Variants in NPLOC4 observed in about 807,000 individuals in gnomAD.
NPLOC4 encodes the protein NPL4 homolog, ubiquitin recognition factor.
A neutral mutation model predicts 80.6 loss-of-function variants in NPLOC4; 18 were observed. The observed-to-expected ratio is 0.22, with a 90% CI of 0.15 to 0.33. NPLOC4 has a LOEUF of 0.33. NPLOC4 is among the 10% of genes least tolerant of loss of function. The probability of loss-of-function intolerance (pLI) is 1.00; values close to 1 mark genes in which losing one functional copy is unlikely to be tolerated. For synonymous variants in NPLOC4, 313 were observed against 301.5 expected, an observed-to-expected ratio of 1.04 and a Z score of -0.39; for missense variants, 540 against 786.1, an observed-to-expected ratio of 0.69 and a Z score of 3.74.
intron 10 of NPLOC4, among the ~76,000 whole-genome samples, chr17:81,596,903 G>A (rs917370223): frequency 6.6e-6 from 1 of 152,086 alleles, no homozygotes; most frequent in Non-Finnish European, 1.5e-5. Flanking sequence ...TCACAAGGTC[G>A]AGATCAAGAC....
intron 6 of NPLOC4, among the ~76,000 whole-genome samples, 164 bp downstream of exon 6, chr17:81,608,564 C>T (rs921550382): frequency 6.6e-6 from 1 of 152,142 alleles, no homozygotes; most frequent in Non-Finnish European, 1.5e-5. Context: ...TATATGAGTA[C>T]ATAAAAAATA....
chr17:81,560,006 A>T (rs2033800005), intron 16 of NPLOC4, among the ~76,000 whole-genome samples: 2 of 150,110 alleles, frequency 1.3e-5, no homozygotes, highest in South Asian at 4.3e-4. Context: ...AAGTGCTGGG[A>T]TTATAGGTAT....
intron 12 of NPLOC4, among the ~76,000 whole-genome samples, chr17:81,586,916 C>G (rs576522504): frequency 6.6e-6 from 1 of 152,160 alleles, no homozygotes; most frequent in East Asian, 1.9e-4. Flanking sequence ...GGACAGCTCA[C>G]CACCACCACA....
At chr17:81,564,986 G>GA (rs1277687283) in intron 16 of NPLOC4, 1 of 343,710 alleles carries the variant, frequency 2.9e-6, no homozygotes, top group African/African-American at 2.2e-5. Flanking sequence ...AATGCTGACA[G>GA]AAGGTTCTCA....
intron 3 of NPLOC4, among the ~76,000 whole-genome samples, chr17:81,617,803 C>T (rs1281893741): frequency 2.6e-5 from 4 of 152,276 alleles, no homozygotes; most frequent in South Asian, 4.1e-4. Flanking sequence ...CGATTGCAGG[C>T]GCGCGCCGCC....
chr17:81,625,728 C>G (rs2035778547), intron 2 of NPLOC4, among the ~76,000 whole-genome samples: 1 of 151,306 alleles, frequency 6.6e-6, no homozygotes, highest in Admixed American at 6.6e-5. Context: ...GAGAATCCAA[C>G]CAACTCTAAA....
intron 12 of NPLOC4, among the ~76,000 whole-genome samples, chr17:81,576,301 G>A (rs1195320698): frequency 6.6e-6 from 1 of 152,218 alleles, no homozygotes; most frequent in Non-Finnish European, 1.5e-5. Flanking sequence ...AAGAATTACA[G>A]TTGGCCGTTG....
chr17:81,597,712 G>A (rs901625244), intron 9 of NPLOC4, among the ~76,000 whole-genome samples: 2 of 151,318 alleles, frequency 1.3e-5, no homozygotes, highest in African/African-American at 4.9e-5. Flanking sequence ...GAACCCGGGA[G>A]GCAGAGGTTG....
chr17:81,599,861 T>C (rs2070988744), intron 9 of NPLOC4, among the ~76,000 whole-genome samples: 2 of 152,204 alleles, frequency 1.3e-5, no homozygotes, highest in African/African-American at 2.4e-5. Flanking sequence ...TAAATGATGA[T>C]TGATGACGGA....
In NPLOC4 at chr17:81,594,274, C is replaced by CAAAAAAAA. The variant is rs869281063; in HGVS notation, c.1120+1834_1120+1841dup. Among the ~76,000 whole-genome samples the CAAAAAAAA allele has an allele frequency of 2.0e-3, 106 of 53,660 alleles. 10 individuals are homozygous for CAAAAAAAA. The highest frequency in any genetic ancestry group is 3.3e-3 in the African/African-American group (33 of 10,060). The allele number at this position is 53,660 out of a possible 152,430, so 35.2% of individuals were successfully genotyped here. ...TGGGCGAAAGAGCGAGACTCCGTCT[C>CAAAAAAAA]AAAAAAAAAAAAAAAAAAAAAAAAA... On this transcript the variant is annotated intron_variant, in intron 11 of 16. Coordinates refer to ENST00000331134, the MANE Select transcript of NPLOC4 (RefSeq NM_017921.4).
intron 2 of NPLOC4, among the ~76,000 whole-genome samples, chr17:81,625,220 T>C (rs1380898286): frequency 6.6e-6 from 1 of 152,048 alleles, no homozygotes; most frequent in Non-Finnish European, 1.5e-5. Flanking sequence ...AGAAACTATG[T>C]GGAGGTAACA....
intron 2 of NPLOC4, among the ~76,000 whole-genome samples, chr17:81,627,694 G>A (rs1470722910): frequency 6.6e-6 from 1 of 152,042 alleles, no homozygotes; most frequent in Non-Finnish European, 1.5e-5. Flanking sequence ...CTTGAACACA[G>A]GAGGCAGAGG....
intron 16 of NPLOC4, 103 bp downstream of exon 16, chr17:81,565,402 G>T: frequency 1.0e-6 from 1 of 985,866 alleles, no homozygotes; most frequent in Non-Finnish European, 1.6e-6. Flanking sequence ...GGATGCAGCT[G>T]GGTGCGGAAT....
intron 2 of NPLOC4, among the ~76,000 whole-genome samples, chr17:81,626,504 G>A (rs762782852): frequency 1.2e-4 from 18 of 152,094 alleles, no homozygotes; most frequent in Non-Finnish European, 2.1e-4. Flanking sequence ...AGAGGTCAAC[G>A]AAGACGAGAA....
intron 8 of NPLOC4, among the ~76,000 whole-genome samples, chr17:81,602,930 C>CAT (rs1325046681): frequency 9.7e-4 from 137 of 141,568 alleles, no homozygotes; most frequent in African/African-American, 3.4e-3. Flanking sequence ...TATACACACA[C>CAT]ACATATATAT....
At chr17:81,629,659 G>A in intron 2 of NPLOC4, 66 bp downstream of exon 2, 1 of 1,157,850 alleles carries the variant, frequency 8.6e-7, no homozygotes, top group Admixed American at 1.8e-5. Flanking sequence ...AAGAGAAAAG[G>A]TATCGATGGC....
At chr17:81,630,947 C>T (rs182444447) in intron 1 of NPLOC4, among the ~76,000 whole-genome samples, 3 of 151,298 alleles carry the variant, frequency 2.0e-5, no homozygotes, top group Non-Finnish European at 2.9e-5. Context: ...CCAATGCGGG[C>T]AGATCACCTG....
At chr17:81,600,099 T>A (rs1260404893) in intron 9 of NPLOC4, among the ~76,000 whole-genome samples, 1 of 142,678 alleles carries the variant, frequency 7.0e-6, no homozygotes, top group African/African-American at 2.7e-5. Context: ...TGCACTGGGA[T>A]TTTTTTTTTT....
At position 81,597,050 on chromosome 17, in the gene NPLOC4, T is replaced by C. The variant is rs556251938; in HGVS notation, c.993+195A>G. 5.3e-5 allele frequency among the ~76,000 whole-genome samples: 8 copies of C among 152,154 alleles called. No homozygotes were observed. The South Asian group carries it at 1.7e-3, about 32-fold the overall frequency. Reference sequence around the variant, plus strand: ...ATGGCGTGAACCCGGGAGGCATTGCTAGCGGTGAGCAGAGATTGCGCCACT... The same window carrying C: ...ATGGCGTGAACCCGGGAGGCATTGCCAGCGGTGAGCAGAGATTGCGCCACT... On this transcript the variant is annotated intron_variant, in intron 10 of 16. Coordinates refer to ENST00000331134, the MANE Select transcript of NPLOC4 (RefSeq NM_017921.4).
Sources: allele counts gnomAD v4.1 joint callset (sites outside exome capture counted in the v4.1 genomes callset), GRCh38; gene constraint gnomAD v4.1.1; transcripts MANE v1.5; gene names NCBI Gene and HGNC (gene_info 2026-07-23, HGNC 2026-07-21).